SPAG16: variants seen among roughly 807,000 people sequenced by gnomAD.
The protein encoded by SPAG16 is sperm associated antigen 16, also known as sperm-associated antigen 16 protein.
Under a neutral mutation model 80.4 loss-of-function variants are expected in SPAG16, and 86 were observed. The ratio of observed to expected loss-of-function variants is 1.07; its 90% CI spans 0.90 to 1.28. The LOEUF (loss-of-function observed/expected upper bound fraction) is 1.28. SPAG16 is among the 50% of genes most tolerant of loss of function. The pLI is 0.00. For synonymous variants in SPAG16, 294 were observed against 265.9 expected, an observed-to-expected ratio of 1.11 and a Z score of -1.03; for missense variants, 870 against 765.3, an observed-to-expected ratio of 1.14 and a Z score of -1.61.
chr2:214,214,185 C>CTTTTT lies in SPAG16; in HGVS notation c.1720+64928_1720+64932dup, dbSNP rs71399124. Among the ~76,000 whole-genome samples the CTTTTT allele has an allele frequency of 1.4e-3, 192 of 140,060 alleles. 1 individual carries two copies. Among genetic ancestry groups the CTTTTT allele is most frequent in the South Asian group, 7.8e-3 (35 of 4,464 alleles). 91.9% of individuals were successfully genotyped at this position (140,060 alleles called of 152,430 possible). On this transcript the variant is annotated intron_variant, in intron 15 of 15. Transcript: ENST00000331683. ...ATATCCTTCCCAACCTTCCTTTTTACTTTTTTTTTTTTTGAGACAGAGTCA... is the reference window on the plus strand; with the variant it reads ...ATATCCTTCCCAACCTTCCTTTTTACTTTTTTTTTTTTTTTTTTGAGACAGAGTCA...
intron 15 of SPAG16, among the ~76,000 whole-genome samples, chr2:214,354,283 A>G (rs1426592052): frequency 2.0e-5 from 3 of 151,990 alleles, no homozygotes; most frequent in African/African-American, 7.3e-5. Flanking sequence ...TGTTTTTCTC[A>G]GGTTTGTCAA....
At chr2:213,626,641 ATTTTTTTTTTTTTT>A (rs10582370) in intron 10 of SPAG16, among the ~76,000 whole-genome samples, 1 of 98,980 alleles carries the variant, frequency 1.0e-5, no homozygotes, top group Non-Finnish European at 1.9e-5. Flanking sequence ...ATCGGGCTCA[ATTTTTTTTTTTTTT>A]TTTTTTTTTT....
At chr2:214,338,992 G>A (rs184803332) in intron 15 of SPAG16, among the ~76,000 whole-genome samples, 2 of 152,240 alleles carry the variant, frequency 1.3e-5, no homozygotes, top group African/African-American at 4.8e-5. Context: ...ATTTATAAAT[G>A]ATATTTCTGC....
intron 10 of SPAG16, among the ~76,000 whole-genome samples, chr2:213,767,525 C>A (rs1045815248): frequency 1.3e-5 from 2 of 151,782 alleles, no homozygotes; most frequent in African/African-American, 4.8e-5. Flanking sequence ...AATAAATTAG[C>A]CAGGCGGTTG....
intron 12 of SPAG16, among the ~76,000 whole-genome samples, chr2:213,937,045 C>CAAATAATG (rs949254009): frequency 3.9e-4 from 59 of 152,108 alleles, no homozygotes; most frequent in African/African-American, 1.4e-3. Flanking sequence ...AAGGGGAAGG[C>CAAATAATG]AAATAATGCA....
At chr2:213,983,133 G>C (rs1210067798) in intron 12 of SPAG16, among the ~76,000 whole-genome samples, 2 of 151,640 alleles carry the variant, frequency 1.3e-5, no homozygotes, top group Non-Finnish European at 2.9e-5. Context: ...TTTAATAAAG[G>C]GATAAGATTA....
intron 10 of SPAG16, among the ~76,000 whole-genome samples, chr2:213,817,340 A>AAGAT (rs1451608972): frequency 6.6e-6 from 1 of 150,538 alleles, no homozygotes; most frequent in East Asian, 1.9e-4. Context: ...TAACAGAGAA[A>AAGAT]AGATGCTGGT....
intron 10 of SPAG16, among the ~76,000 whole-genome samples, chr2:213,510,156 T>C (rs1318744357): frequency 1.3e-5 from 2 of 152,136 alleles, no homozygotes; most frequent in African/African-American, 4.8e-5. Flanking sequence ...ATAGCACTTT[T>C]TGAAATCTGA....
chr2:213,812,049 G>A (rs1008622318), intron 10 of SPAG16, among the ~76,000 whole-genome samples: 2 of 152,128 alleles, frequency 1.3e-5, no homozygotes, highest in African/African-American at 4.8e-5. Context: ...GTAAAGAGGA[G>A]GTGGAGAACA....
At chr2:214,355,156 C>G (rs13401210) in intron 15 of SPAG16, among the ~76,000 whole-genome samples, 1 of 150,232 alleles carries the variant, frequency 6.7e-6, no homozygotes, top group African/African-American at 2.4e-5. Context: ...GCAACAAAAG[C>G]CAAAATTGAC....
intron 15 of SPAG16, among the ~76,000 whole-genome samples, chr2:214,298,936 T>G (rs1559193385): frequency 6.6e-6 from 1 of 152,160 alleles, no homozygotes; most frequent in Non-Finnish European, 1.5e-5. Flanking sequence ...AGGGGTATAG[T>G]ATGAACAAAT....
chr2:213,991,291 T>C (rs2046268731), intron 12 of SPAG16, among the ~76,000 whole-genome samples: 1 of 152,180 alleles, frequency 6.6e-6, no homozygotes, highest in African/African-American at 2.4e-5. Flanking sequence ...TTAAAAATGA[T>C]GGTTTCCAGC....
At chr2:213,451,733 C>T (rs1160780525) in intron 9 of SPAG16, among the ~76,000 whole-genome samples, 1 of 151,932 alleles carries the variant, frequency 6.6e-6, no homozygotes, top group East Asian at 1.9e-4. Context: ...CTCCGTGGGG[C>T]CTGAAGAACT....
chr2:213,313,135 T>G (rs946008118), intron 4 of SPAG16, among the ~76,000 whole-genome samples: 1 of 151,872 alleles, frequency 6.6e-6, no homozygotes, highest in African/African-American at 2.4e-5. Context: ...GTAGTGACTC[T>G]TCTACATAAC....
chr2:214,402,510 T>C (rs1248992864), intron 15 of SPAG16, among the ~76,000 whole-genome samples: 1 of 151,920 alleles, frequency 6.6e-6, no homozygotes, highest in African/African-American at 2.4e-5. Context: ...GTGTAAAGAA[T>C]TGGATAAAAT....
intron 10 of SPAG16, among the ~76,000 whole-genome samples, chr2:213,746,432 T>A (rs577081385): frequency 6.6e-6 from 1 of 152,218 alleles, no homozygotes; most frequent in East Asian, 1.9e-4. Context: ...GTAGCCGTTA[T>A]GATGTGTTAG....
At chr2:214,321,365 G>A (rs1017012108) in intron 15 of SPAG16, among the ~76,000 whole-genome samples, 9 of 152,166 alleles carry the variant, frequency 5.9e-5, no homozygotes, top group African/African-American at 1.9e-4. Context: ...TTTGGCCACT[G>A]AAGATATTAG....
intron 10 of SPAG16, among the ~76,000 whole-genome samples, chr2:213,523,449 G>A (rs1400517824): frequency 1.3e-5 from 2 of 152,160 alleles, no homozygotes; most frequent in Non-Finnish European, 1.5e-5. Flanking sequence ...GTAGAGTGGG[G>A]TACTGCTATA....
At chr2:213,748,538 T>C (rs183428620) in intron 10 of SPAG16, among the ~76,000 whole-genome samples, 71 of 152,246 alleles carry the variant, frequency 4.7e-4, no homozygotes, top group African/African-American at 1.6e-3. Flanking sequence ...TATGTAAAAA[T>C]AGCTCATGCT....
Sources: gnomAD v4.1 joint callset for allele counts (sites outside exome capture counted in the v4.1 genomes callset) on GRCh38, gnomAD v4.1.1 for gene constraint, MANE v1.5 for transcripts, NCBI Gene and HGNC (gene_info 2026-07-23, HGNC 2026-07-21) for gene names.